The following THOP1 variants were observed in gnomAD, a reference collection of about 807,000 sequenced individuals.
THOP1 encodes the protein thimet oligopeptidase.
A neutral mutation model predicts 71.8 loss-of-function variants in THOP1; 49 were observed. That is an observed-to-expected ratio of 0.68 (90% CI 0.54 to 0.87). The LOEUF (loss-of-function observed/expected upper bound fraction) is 0.87. Ranked by LOEUF, THOP1 falls within the 40% of genes least tolerant of loss-of-function variation. The probability of loss-of-function intolerance (pLI) is 0.00; values close to 1 mark genes in which losing one functional copy is unlikely to be tolerated. For synonymous variants in THOP1, 426 were observed against 421.5 expected (o/e 1.01, Z -0.13); for missense variants, 843 against 975.6 (o/e 0.86, Z 1.81).
Position 2,805,302 on chromosome 19 carries a change from C to A in THOP1, c.750+126C>A. 1.7e-6 allele frequency: 2 copies of A among 1,193,758 alleles called. No individual in the cohort carries two copies. Among genetic ancestry groups the A allele is most frequent in the Non-Finnish European group, 2.3e-6 (2 of 874,612 alleles). 73.9% of individuals were successfully genotyped at this position (1,193,758 alleles called of 1,614,324 possible). A position where few individuals can be genotyped will look rare whatever the true frequency, so the allele number is the denominator to read the frequency against. ...TGGCCTCCCAATCTCCCTGGCCAGG[C>A]CCAGTGGCCAGCAGAGGCCTCCCTG... On this transcript the variant is annotated intron_variant, in intron 6 of 12. Transcript: ENST00000307741. This position sits in a 1 kb window ranked among gnomAD's most constrained non-coding sequence, Gnocchi z 6.6.
chr19:2,812,484 G>A, intron 12 of THOP1: 1 of 1,278,562 alleles, frequency 7.8e-7, no homozygotes, highest in South Asian at 1.8e-5. Flanking sequence ...AGCCCAGCAG[G>A]GACCTCCCCC....
chr19:2,807,658 G>A lies in THOP1; in HGVS notation c.1103G>A (p.Gly368Glu). 6.2e-7 allele frequency: 1 copy of A among 1,608,466 alleles called. No individual in the cohort carries two copies. The highest frequency in any genetic ancestry group is 8.5e-7 in the Non-Finnish European group (1 of 1,176,558). The stretch of plus-strand genomic sequence containing the variant: ...TTCCCCGTGCAGGTGGTCACGCACG[G>A]GCTGCTGGGCATCTACCAGGAGCTC... ...EYFPVQVVTH[G>E]LLGIYQELLG... Residue 368 changes from glycine (G) to glutamate (E), a missense_variant, in exon 8 of 13, where the codon GGG (glycine) becomes GAG (glutamate). By Grantham distance (98) the Gly-to-Glu change is moderately conservative (BLOSUM62 -2). Transcript: ENST00000307741.
Position 2,792,600 on chromosome 19 carries a change from C to T in THOP1, c.229+1967C>T, listed in dbSNP as rs564776285. On this transcript the variant is annotated intron_variant, in intron 2 of 12. Coordinates refer to ENST00000307741, the MANE Select transcript of THOP1 (RefSeq NM_003249.5). ...TGCAATTTGAATTCAGGTCTTTCTG[C>T]TGCAAAGTATATGCTTTTTTTTAAA... Among the ~76,000 whole-genome samples, 4 of 152,098 alleles carry T rather than the reference C, an allele frequency of 2.6e-5. No homozygotes were observed. The South Asian group carries it at 8.3e-4, about 32-fold the overall frequency.
chr19:2,808,081 C>T (rs1916355635), intron 8 of THOP1, 162 bp from the exon 9 acceptor site: 4 of 904,260 alleles, frequency 4.4e-6, no homozygotes, highest in South Asian at 1.6e-5. Context: ...CCGTGGTTTT[C>T]ATGCTGCCCT....
Position 2,794,882 on chromosome 19 carries a change from G to A in THOP1, c.348G>A (p.Glu116=), listed in dbSNP as rs745476201. 47 of 1,613,646 alleles carry A rather than the reference G, an allele frequency of 2.9e-5. No individual in the cohort carries two copies. In the East Asian group the frequency reaches 1.0e-3, roughly 35 times the overall value. Reference sequence around the variant, plus strand: ...TCGACGTGGAGATGAGCATGAGGGAGGACGTGTACCAGAGGATCGTGTGGC... The same window carrying A: ...TCGACGTGGAGATGAGCATGAGGGAAGACGTGTACCAGAGGATCGTGTGGC... ...SEFDVEMSMR[E]DVYQRIVWLQ... Residue 116 remains glutamate, a synonymous_variant, in exon 3 of 13, where the codon GAG becomes GAA. Coordinates refer to ENST00000307741, the MANE Select transcript of THOP1 (RefSeq NM_003249.5).
At chr19:2,808,187 G>A (rs1916359652) in intron 8 of THOP1, 56 bp from the exon 9 acceptor site, 1 of 1,523,874 alleles carries the variant, frequency 6.6e-7, no homozygotes, top group Admixed American at 2.0e-5. Flanking sequence ...TGCGGAGTCA[G>A]GGACTCTTGC....
rs1717216972 is a variant in THOP1, at chr19:2,805,264, CT to C, written c.750+91del. On this transcript the variant is annotated intron_variant, in intron 6 of 12. Transcript: ENST00000307741. This position sits in a 1 kb window ranked among gnomAD's most constrained non-coding sequence, Gnocchi z 6.6. The stretch of plus-strand genomic sequence containing the variant: ...TCCATGTGTGTGAGGCACCTCCAGG[CT>C]TTGCACTTGGATGGCCTCCCAATCT... The C allele has an allele frequency of 1.4e-6, 2 of 1,433,914 alleles. No individual in the cohort carries two copies. Among genetic ancestry groups the C allele is most frequent in the Non-Finnish European group, 1.9e-6 (2 of 1,077,196 alleles). The allele number at this position is 1,433,914 out of a possible 1,614,324, so 88.8% of individuals were successfully genotyped here.
chr19:2,785,729 C>T (rs1599515286), intron 1 of THOP1, 51 bp downstream of exon 1: 2 of 1,343,674 alleles, frequency 1.5e-6, no homozygotes, highest in East Asian at 5.9e-5. Flanking sequence ...ACCCTCGCTC[C>T]TCCCGGGGTC....
chr19:2,792,133 A>T (rs142715429), intron 2 of THOP1, among the ~76,000 whole-genome samples: 25 of 152,144 alleles, frequency 1.6e-4, no homozygotes, highest in African/African-American at 2.4e-5. Context: ...CACTTGTCTA[A>T]TCGGTCGCCC....
At chr19:2,790,885 C>T (rs372147817) in intron 2 of THOP1, among the ~76,000 whole-genome samples, 4 of 152,156 alleles carry the variant, frequency 2.6e-5, no homozygotes, top group African/African-American at 7.2e-5. Flanking sequence ...TCCCGTGCTC[C>T]GCTCTGCTTC....
intron 4 of THOP1, among the ~76,000 whole-genome samples, chr19:2,799,044 T>G (rs912714062): frequency 6.6e-6 from 1 of 152,158 alleles, no homozygotes; most frequent in Non-Finnish European, 1.5e-5. Context: ...GTTCAAAAGC[T>G]GCCAGACACG....
rs1422472241 is a variant in THOP1 at position 2,810,752 on chromosome 19, G to A, written c.1755G>A (p.Gly585=). 1.2e-6 allele frequency: 2 copies of A among 1,602,396 alleles called. No homozygotes were observed. The highest frequency in any genetic ancestry group is 8.5e-7 in the Non-Finnish European group (1 of 1,176,328). ...EYARLCQEIL[G]VPATPGTNMP... ...CGCGGCTCTGCCAGGAGATCCTCGG[G>A]GTCCCGGCCACGCCAGGTAGCCACC... Residue 585 remains glycine, a synonymous_variant, in exon 11 of 13, where the codon GGG becomes GGA. Transcript: ENST00000307741.
chr19:2,807,319 CG>C, intron 7 of THOP1, 122 bp from the exon 8 acceptor site: 1 of 1,412,126 alleles, frequency 7.1e-7, no homozygotes, highest in Non-Finnish European at 9.3e-7. Context: ...GAGGGGTTGC[CG>C]GGAACTGCGG....
In THOP1 at chr19:2,813,142, C is replaced by T; in HGVS notation, c.1936C>T (p.Leu646=). The T allele has an allele frequency of 6.2e-7, 1 of 1,611,678 alleles. No homozygotes were observed. The highest frequency in any genetic ancestry group is 8.5e-7 in the Non-Finnish European group (1 of 1,179,406). ...TGGCATGGATTACAGAAGCTGCATC[C>T]TGAGACCCGGCGGTTCCGAGGATGC... ...KVGMDYRSCI[L]RPGGSEDASA... is the part of the protein sequence containing the mutation. Residue 646 remains leucine (L), a synonymous_variant, in exon 13 of 13, where the codon CTG becomes TTG. Coordinates refer to ENST00000307741, the MANE Select transcript of THOP1 (RefSeq NM_003249.5).
At chr19:2,799,261 G>T (rs1032738116) in intron 4 of THOP1, among the ~76,000 whole-genome samples, 1 of 152,222 alleles carries the variant, frequency 6.6e-6, no homozygotes, top group African/African-American at 2.4e-5. Flanking sequence ...GGAGGTTGAG[G>T]CTGCAGTGAG....
rs1227793404 is a variant in THOP1 at position 2,796,186 on chromosome 19, G to A, written c.484G>A (p.Glu162Lys). The A allele has an allele frequency of 6.2e-7, 1 of 1,610,908 alleles. No individual in the cohort carries two copies. Among genetic ancestry groups the A allele is most frequent in the South Asian group, 1.1e-5 (1 of 90,880 alleles). Residue 162 changes from glutamate to lysine, a missense_variant and splice_region_variant, in exon 4 of 13, where the codon GAA becomes AAA. Glu to Lys is a moderately conservative substitution (Grantham distance 56). Coordinates refer to ENST00000307741, the MANE Select transcript of THOP1 (RefSeq NM_003249.5). ...NGLHLPRETQ[E>K]NIKRIKKKLS... ...GCTTCACCTCCCCAGAGAGACTCAG[G>A]AAGTGAGTGCTGGGTGTAGGGAGTG...
At chr19:2,786,788 G>C (rs1029010530) in intron 1 of THOP1, among the ~76,000 whole-genome samples, 2 of 56,160 alleles carry the variant, frequency 3.6e-5, no homozygotes, top group Non-Finnish European at 5.8e-5. Flanking sequence ...TTTGGAGATA[G>C]AGTCTTGGTC....
At chr19:2,792,189 C>G (rs1218151503) in intron 2 of THOP1, among the ~76,000 whole-genome samples, 1 of 152,198 alleles carries the variant, frequency 6.6e-6, no homozygotes, top group South Asian at 2.1e-4. Context: ...GTCTTCAGCC[C>G]TAGCGTCAGG....
chr19:2,807,823 C>G lies in THOP1; in HGVS notation c.1253+15C>G, dbSNP rs1362594071. Reference sequence around the variant, plus strand: ...CTGTACCCGCGGTGGGTGAGGGCAGCGGGGGCGGGGGGCGCACCCCGGCCC... The same window carrying G: ...CTGTACCCGCGGTGGGTGAGGGCAGGGGGGGCGGGGGGCGCACCCCGGCCC... On this transcript the variant is annotated intron_variant, in intron 8 of 12. Transcript: ENST00000307741. 2.1e-6 allele frequency: 3 copies of G among 1,452,464 alleles called. No homozygotes were observed. Among genetic ancestry groups the G allele is most frequent in the South Asian group, 2.9e-5 (2 of 69,608 alleles). The allele number at this position is 1,452,464 out of a possible 1,614,324, so 90.0% of individuals were successfully genotyped here.
Sources: gnomAD v4.1 joint callset for allele counts (sites outside exome capture counted in the v4.1 genomes callset) on GRCh38, gnomAD v4.1.1 for gene constraint, Gnocchi (gnomAD v3.1) non-coding constraint, MANE v1.5 for transcripts, NCBI Gene and HGNC (gene_info 2026-07-23, HGNC 2026-07-21) for gene names.